The following CACNA2D3 variants were observed in gnomAD, a reference collection of about 807,000 sequenced individuals.
CACNA2D3 encodes voltage-dependent calcium channel subunit alpha-2/delta-3.
In CACNA2D3, 60 loss-of-function variants were observed where a neutral mutation model predicts 160.6. The ratio of observed to expected loss-of-function variants is 0.37; its 90% CI spans 0.30 to 0.46. CACNA2D3 has a LOEUF of 0.46. CACNA2D3 is among the 20% of genes least tolerant of loss of function. The pLI is 1.00. For synonymous variants in CACNA2D3, 558 were observed against 492.9 expected, an observed-to-expected ratio of 1.13 and a Z score of -1.75; for missense variants, 1,205 against 1,365.0, an observed-to-expected ratio of 0.88 and a Z score of 1.85.
chr3:54,301,330 G>A (rs1009358056), intron 2 of CACNA2D3, among the ~76,000 whole-genome samples: 9 of 151,682 alleles, frequency 5.9e-5, no homozygotes, highest in East Asian at 1.9e-4. Flanking sequence ...CGGGGATGGC[G>A]GCTCACACCT....
At chr3:54,613,313 T>A (rs1368209619) in intron 9 of CACNA2D3, among the ~76,000 whole-genome samples, 1 of 152,198 alleles carries the variant, frequency 6.6e-6, no homozygotes, top group Non-Finnish European at 1.5e-5. Flanking sequence ...ATAAAAGTCT[T>A]TGTTGCAGAG....
chr3:54,716,908 C>CTT (rs35289105), intron 11 of CACNA2D3, among the ~76,000 whole-genome samples: 41 of 146,008 alleles, frequency 2.8e-4, no homozygotes, highest in South Asian at 6.6e-4. Flanking sequence ...TTGTGTGGCA[C>CTT]TTTTTTTTTT....
At chr3:55,018,176 T>G in intron 34 of CACNA2D3, 30 bp from the exon 35 acceptor site, 1 of 1,454,184 alleles carries the variant, frequency 6.9e-7, no homozygotes, top group Non-Finnish European at 9.6e-7. Flanking sequence ...CTTGCATTCT[T>G]TACCTTTTTT....
chr3:54,474,135 C>T (rs7434222), intron 4 of CACNA2D3, among the ~76,000 whole-genome samples: 1 of 151,962 alleles, frequency 6.6e-6, no homozygotes, highest in Non-Finnish European at 1.5e-5. Context: ...ATAGCAAAGA[C>T]TTGGAACCAA....
At chr3:54,464,226 G>C (rs927059067) in intron 4 of CACNA2D3, among the ~76,000 whole-genome samples, 2 of 152,222 alleles carry the variant, frequency 1.3e-5, no homozygotes, top group Non-Finnish European at 1.5e-5. Flanking sequence ...TCAGGGGTCA[G>C]GGACCCACTT....
chr3:54,914,790 G>A (rs903416321), intron 27 of CACNA2D3, among the ~76,000 whole-genome samples: 5 of 152,072 alleles, frequency 3.3e-5, no homozygotes, highest in African/African-American at 1.2e-4. Context: ...ATGTGGAGTT[G>A]GAATATAATT....
Position 54,279,997 on chromosome 3 carries a change from C to T in CACNA2D3, c.205-40445C>T, listed in dbSNP as rs116772844. On this transcript the variant is annotated intron_variant, in intron 2 of 37. Transcript: ENST00000474759. ...GGCTAGTTCCACCTGTAGAGAATTC[C>T]AACAGTGATTTCTTTGATACAACTA... Among the ~76,000 whole-genome samples the T allele has an allele frequency of 8.3e-3, 1,264 of 152,254 alleles. 10 individuals carry two copies. The highest frequency in any genetic ancestry group is 0.014 in the Non-Finnish European group (948 of 68,030).
At chr3:54,565,854 A>G (rs1321377316) in intron 6 of CACNA2D3, among the ~76,000 whole-genome samples, 2 of 152,028 alleles carry the variant, frequency 1.3e-5, no homozygotes, top group African/African-American at 4.8e-5. Context: ...TAAAATGGGA[A>G]CTCTACCCTG....
intron 17 of CACNA2D3, among the ~76,000 whole-genome samples, chr3:54,851,274 G>A (rs1347386944): frequency 6.6e-6 from 1 of 152,208 alleles, no homozygotes; most frequent in Non-Finnish European, 1.5e-5. Context: ...AAGGATGAAG[G>A]GGAGGGGAGG....
intron 9 of CACNA2D3, among the ~76,000 whole-genome samples, chr3:54,582,472 T>A (rs1467305312): frequency 2.6e-5 from 4 of 152,226 alleles, no homozygotes; most frequent in African/African-American, 9.6e-5. Flanking sequence ...AAAGTAGACT[T>A]CTGTAAAATA....
Position 55,004,771 on chromosome 3 carries a change from T to G in CACNA2D3, c.2699T>G (p.Leu900Arg). ...LTMGSFKRIT[L>R]YDYQAMCRAN... ...CCATTTCTTTCCTGTAGAATTACCC[T>G]TTATGACTACCAAGCCATGTGTAGA... Residue 900 changes from leucine to arginine, a missense_variant, in exon 32 of 38, where the codon CTT (leucine) becomes CGT (arginine). Around this residue, in one of 3 missense-constraint regions of CACNA2D3, gnomAD observed 911 missense variants for 1,002.2 expected, o/e 0.91. Transcript: ENST00000474759. The G allele has an allele frequency of 6.2e-7, 1 of 1,613,102 alleles. No homozygotes were observed. Among genetic ancestry groups the G allele is most frequent in the South Asian group, 1.1e-5 (1 of 91,042 alleles).
rs549425099 is a variant in CACNA2D3 at position 54,475,839 on chromosome 3, CAGAG to C, written c.382-27646_382-27643del. Among the ~76,000 whole-genome samples the C allele has an allele frequency of 5.6e-3, 255 of 45,682 alleles. 1 individual carries two copies. The highest frequency in any genetic ancestry group is 0.018 in the African/African-American group (229 of 12,676). 30.0% of individuals were successfully genotyped at this position (45,682 alleles called of 152,430 possible). A position where few individuals can be genotyped will look rare whatever the true frequency, so the allele number is the denominator to read the frequency against. ...TGTGTGTGTGTGTGTGTGTGTGTGA[CAGAG>C]AGAGAGGAAAACACTGAAGATCTAC... On this transcript the variant is annotated intron_variant, in intron 4 of 37. Transcript: ENST00000474759.
At position 54,888,060 on chromosome 3, in the gene CACNA2D3, G is replaced by C. The variant is rs754330749; in HGVS notation, c.2150+8G>C. On this transcript the variant is annotated splice_region_variant and intron_variant, in intron 24 of 37. Transcript: ENST00000474759. ...GGCCCTCAACAAATCTGAGTAAGTG[G>C]TTGCACGTGTCCTCGTTTCATGGCC... The C allele has an allele frequency of 6.2e-7, 1 of 1,603,002 alleles. No homozygotes were observed. Among genetic ancestry groups the C allele is most frequent in the Admixed American group, 1.7e-5 (1 of 59,996 alleles).
At chr3:54,146,967 G>A (rs1195034607) in intron 2 of CACNA2D3, among the ~76,000 whole-genome samples, 1 of 152,246 alleles carries the variant, frequency 6.6e-6, no homozygotes, top group Non-Finnish European at 1.5e-5. Flanking sequence ...TCTCTTACCT[G>A]CATGAAAGTT....
chr3:54,469,856 T>A (rs1380049708), intron 4 of CACNA2D3, among the ~76,000 whole-genome samples: 1 of 151,790 alleles, frequency 6.6e-6, no homozygotes, highest in Non-Finnish European at 1.5e-5. Flanking sequence ...CTTAATGAGA[T>A]AAAGTGTGAA....
intron 2 of CACNA2D3, 129 bp from the exon 3 acceptor site, chr3:54,320,313 A>C: frequency 1.9e-6 from 1 of 534,286 alleles, no homozygotes; most frequent in Non-Finnish European, 3.3e-6. Flanking sequence ...TAATATCCAC[A>C]AATTCACCAG....
At chr3:54,405,724 C>T (rs985339057) in intron 4 of CACNA2D3, among the ~76,000 whole-genome samples, 3 of 151,966 alleles carry the variant, frequency 2.0e-5, no homozygotes, top group Admixed American at 6.6e-5. Context: ...AATGGGACTA[C>T]ATCAAACTAA....
chr3:54,160,507 AT>A (rs1413334915), intron 2 of CACNA2D3, among the ~76,000 whole-genome samples: 1 of 152,126 alleles, frequency 6.6e-6, no homozygotes, highest in Non-Finnish European at 1.5e-5. Flanking sequence ...CTCAAAAAAA[AT>A]AAAATAAAAT....
chr3:54,146,341 G>A (rs147537014), intron 2 of CACNA2D3, among the ~76,000 whole-genome samples: 46 of 152,354 alleles, frequency 3.0e-4, no homozygotes, highest in African/African-American at 1.1e-3. Flanking sequence ...CGAGCACAGG[G>A]ACTGATGCTG....
Sources: gnomAD v4.1 joint callset for allele counts (sites outside exome capture counted in the v4.1 genomes callset) on GRCh38, gnomAD v4.1.1 for gene constraint, gnomAD v4.1.1 regional missense constraint, MANE v1.5 for transcripts, NCBI Gene and HGNC (gene_info 2026-07-23, HGNC 2026-07-21) for gene names.